Variants in GNG11 observed in about 807,000 individuals in gnomAD.
The protein encoded by GNG11 is G protein subunit gamma 11, also known as guanine nucleotide-binding protein G(I)/G(S)/G(O) subunit gamma-11.
Under a neutral mutation model 7.4 loss-of-function variants are expected in GNG11, and 6 were observed. The observed-to-expected ratio is 0.81, with a 90% CI of 0.44 to 1.60. The LOEUF (loss-of-function observed/expected upper bound fraction) is 1.60, where lower values mean the gene tolerates loss of function less well. GNG11 is among the 40% of genes most tolerant of loss of function. The pLI is 0.01. For synonymous variants in GNG11, 31 were observed against 25.9 expected (o/e 1.20, Z -0.60); for missense variants, 65 against 83.0 (o/e 0.78, Z 0.84).
chr7:93,922,610 G>T (rs1794631367), intron 1 of GNG11, among the ~76,000 whole-genome samples: 2 of 152,126 alleles, frequency 1.3e-5, no homozygotes, highest in Admixed American at 1.3e-4. Context: ...ATATTTGAAA[G>T]AAATTTTCTA....
In GNG11 at chr7:93,922,030, G is replaced by A. The variant is rs117922771; in HGVS notation, c.-108G>A. On this transcript the variant is annotated 5_prime_UTR_variant, in exon 1 of 2. Coordinates refer to ENST00000248564, the MANE Select transcript of GNG11 (RefSeq NM_004126.4). ...GCAGGGCTGCAGTCACATCCTGCGC[G>A]GGTGGGCGGCGGGCCAGGCCTTCAG... is the stretch of plus-strand genomic sequence containing the variant. 7.4e-3 allele frequency: 4,505 copies of A among 606,924 alleles called. 24 individuals are homozygous for A. The highest frequency in any genetic ancestry group is 0.011 in the Non-Finnish European group (3,832 of 349,020). The allele number at this position is 606,924 out of a possible 1,614,324, so 37.6% of individuals were successfully genotyped here.
rs1477350740 is a variant in GNG11 at position 93,928,163 on chromosome 7, G to A, written c.*1947G>A. Reference sequence around the variant, plus strand: ...TATTCCCTAACTTGTTGGGAGTTGCGATTACAAGTCTATATCCTGATTTCT... The same window carrying A: ...TATTCCCTAACTTGTTGGGAGTTGCAATTACAAGTCTATATCCTGATTTCT... On this transcript the variant is annotated 3_prime_UTR_variant, in exon 2 of 2. Transcript: ENST00000248564. The A allele has an allele frequency of 2.0e-5, 3 of 150,322 alleles. No individual in the cohort carries two copies. The highest frequency in any genetic ancestry group is 1.9e-4 in the East Asian group (1 of 5,198). 9.3% of individuals were successfully genotyped at this position (150,322 alleles called of 1,614,324 possible).
At chr7:93,924,848 A>T (rs1768994823) in intron 1 of GNG11, among the ~76,000 whole-genome samples, 1 of 152,230 alleles carries the variant, frequency 6.6e-6, no homozygotes, top group Non-Finnish European at 1.5e-5. Flanking sequence ...ACATTTGCCC[A>T]GTTTTCATAG....
Position 93,927,192 on chromosome 7 carries a change from T to A in GNG11, c.*976T>A, listed in dbSNP as rs1269767784. 2 of 152,238 alleles carry A rather than the reference T, an allele frequency of 1.3e-5. No homozygotes were observed. Among genetic ancestry groups the A allele is most frequent in the Non-Finnish European group, 2.9e-5 (2 of 68,038 alleles). 9.4% of individuals were successfully genotyped at this position (152,238 alleles called of 1,614,324 possible). On this transcript the variant is annotated 3_prime_UTR_variant, in exon 2 of 2. Coordinates refer to ENST00000248564, the MANE Select transcript of GNG11 (RefSeq NM_004126.4). ...TTTCTTACTGATTTGTAGGAATTCT[T>A]CATATATTCTGGCCATTTATTCGTG...
intron 1 of GNG11, among the ~76,000 whole-genome samples, chr7:93,923,849 A>T (rs1794645115): frequency 6.6e-6 from 1 of 152,204 alleles, no homozygotes; most frequent in African/African-American, 2.4e-5. Context: ...CCTCAAGTGT[A>T]TGCCAGAGGG....
In GNG11 at chr7:93,926,624, G is replaced by A. The variant is rs17165913; in HGVS notation, c.*408G>A. On this transcript the variant is annotated 3_prime_UTR_variant, in exon 2 of 2. Coordinates refer to ENST00000248564, the MANE Select transcript of GNG11 (RefSeq NM_004126.4). ...TTGGGTTTGGAATATGATTCAGAAG[G>A]TTAGGTGGTTCGACAGATCACATCT... is the stretch of plus-strand genomic sequence containing the variant. The A allele has an allele frequency of 0.05, 7,610 of 153,470 alleles. 396 individuals carry two copies. The highest frequency in any genetic ancestry group is 0.13 in the African/African-American group (5,558 of 41,522). The allele number at this position is 153,470 out of a possible 1,614,324, so 9.5% of individuals were successfully genotyped here.
chr7:93,926,572 C>A lies in GNG11; in HGVS notation c.*356C>A, dbSNP rs1794682626. ...CATGCATTAACTTTTATATTTCTCC[C>A]CGTAATCTTTTGGGTGTGGAGTATG... On this transcript the variant is annotated 3_prime_UTR_variant, in exon 2 of 2. Transcript: ENST00000248564. 1.3e-5 allele frequency: 2 copies of A among 156,450 alleles called. No individual in the cohort carries two copies. Among genetic ancestry groups the A allele is most frequent in the African/African-American group, 2.4e-5 (1 of 41,516 alleles). 9.7% of individuals were successfully genotyped at this position (156,450 alleles called of 1,614,324 possible).
rs770881761 is a variant in GNG11 at position 93,922,226 on chromosome 7, G to C, written c.89G>C (p.Arg30Thr). 2 of 1,571,902 alleles carry C rather than the reference G, an allele frequency of 1.3e-6. No homozygotes were observed. Among genetic ancestry groups the C allele is most frequent in the Non-Finnish European group, 1.7e-6 (2 of 1,148,998 alleles). Residue 30 changes from arginine (R) to threonine (T), a missense_variant, in exon 1 of 2, where the codon AGA becomes ACA. Arg to Thr is a moderately conservative substitution (Grantham distance 71). Coordinates refer to ENST00000248564, the MANE Select transcript of GNG11 (RefSeq NM_004126.4). ...CTTCGCAAAGAAGTGAAGTTGCAGA[G>C]ACAACAAGTAAGTTGGCTGTTCCGG... is the stretch of plus-strand genomic sequence containing the variant. ...EQLRKEVKLQ[R>T]QQVSKCSEEI...
At chr7:93,923,954 A>C (rs994906605) in intron 1 of GNG11, among the ~76,000 whole-genome samples, 2 of 152,178 alleles carry the variant, frequency 1.3e-5, no homozygotes, top group African/African-American at 4.8e-5. Flanking sequence ...TACACTTGGA[A>C]TTATACATTA....
rs559902873 is a variant in GNG11, at chr7:93,922,331, T to C, written c.96+98T>C. Reference sequence around the variant, plus strand: ...TAAAGCAAATAGTTTAGCTTATTTTTCCCCCTTTTTGTAGCTTCTCTTCTC... The same window carrying C: ...TAAAGCAAATAGTTTAGCTTATTTTCCCCCCTTTTTGTAGCTTCTCTTCTC... On this transcript the variant is annotated intron_variant, in intron 1 of 1. Transcript: ENST00000248564. 5.4e-5 allele frequency: 36 copies of C among 665,248 alleles called. No individual in the cohort carries two copies. In the South Asian group the frequency reaches 6.6e-4, roughly 12 times the overall value. The allele number at this position is 665,248 out of a possible 1,614,324, so 41.2% of individuals were successfully genotyped here. A position where few individuals can be genotyped will look rare whatever the true frequency, so the allele number is the denominator to read the frequency against.
chr7:93,922,587 A>G (rs1271542820), intron 1 of GNG11, among the ~76,000 whole-genome samples: 1 of 152,238 alleles, frequency 6.6e-6, no homozygotes, highest in East Asian at 1.9e-4. Context: ...CTTTTACACT[A>G]CTAGAAAGGA....
intron 1 of GNG11, among the ~76,000 whole-genome samples, chr7:93,924,366 A>G (rs999860708): frequency 6.6e-6 from 1 of 152,250 alleles, no homozygotes; most frequent in South Asian, 2.1e-4. Context: ...GGGAGCATGT[A>G]TCTTGCTGAG....
intron 1 of GNG11, 27 bp downstream of exon 1, chr7:93,922,260 C>T (rs201054655): frequency 7.3e-7 from 1 of 1,363,228 alleles, no homozygotes; most frequent in Non-Finnish European, 1.0e-6. Context: ...GGAATATTTC[C>T]TTCTCTGAAA....
Position 93,922,128 on chromosome 7 carries a change from T to C in GNG11, c.-10T>C. 1.9e-6 allele frequency: 3 copies of C among 1,576,642 alleles called. No homozygotes were observed. The highest frequency in any genetic ancestry group is 1.1e-5 in the South Asian group (1 of 87,426). On this transcript the variant is annotated 5_prime_UTR_variant, in exon 1 of 2. Transcript: ENST00000248564. ...GCCAGAGCTAGCCCGAGCCCGGTTC[T>C]GGGGCGAAAATGCCTGCCCTTCACA...
At chr7:93,925,029 TGG>T (rs1794658396) in intron 1 of GNG11, among the ~76,000 whole-genome samples, 2 of 151,950 alleles carry the variant, frequency 1.3e-5, no homozygotes, top group Non-Finnish European at 2.9e-5. Context: ...CCAGGCGTGG[TGG>T]TGGGCGCCTG....
Position 93,927,990 on chromosome 7 carries a change from C to T in GNG11, c.*1774C>T, listed in dbSNP as rs951422468. ...GCATGGGATTTTAGAGCTTTGGTGCCTGTAAAGTTTTACTTCTATTAGCTG... is the reference window on the plus strand; with the variant it reads ...GCATGGGATTTTAGAGCTTTGGTGCTTGTAAAGTTTTACTTCTATTAGCTG... On this transcript the variant is annotated 3_prime_UTR_variant, in exon 2 of 2. Coordinates refer to ENST00000248564, the MANE Select transcript of GNG11 (RefSeq NM_004126.4). 6.6e-6 allele frequency: 1 copy of T among 152,132 alleles called. No individual in the cohort carries two copies. Among genetic ancestry groups the T allele is most frequent in the African/African-American group, 2.4e-5 (1 of 41,406 alleles). 9.4% of individuals were successfully genotyped at this position (152,132 alleles called of 1,614,324 possible).
intron 1 of GNG11, among the ~76,000 whole-genome samples, chr7:93,925,876 G>T (rs1186751110): frequency 6.6e-6 from 1 of 151,606 alleles, no homozygotes; most frequent in Non-Finnish European, 1.5e-5. Flanking sequence ...TGCATCATAG[G>T]TATAGTAATA....
In GNG11 at chr7:93,922,066, A is replaced by C; in HGVS notation, c.-72A>C. The C allele has an allele frequency of 1.1e-6, 1 of 937,882 alleles. No homozygotes were observed. The highest frequency in any genetic ancestry group is 1.6e-6 in the Non-Finnish European group (1 of 628,682). 58.1% of individuals were successfully genotyped at this position (937,882 alleles called of 1,614,324 possible). Reference sequence around the variant, plus strand: ...GGGCCAGGCCTTCAGTTGTTTCGGGACGCGCCGAGCTTCGCCGCTCTTCCA... The same window carrying C: ...GGGCCAGGCCTTCAGTTGTTTCGGGCCGCGCCGAGCTTCGCCGCTCTTCCA... On this transcript the variant is annotated 5_prime_UTR_variant, in exon 1 of 2. Transcript: ENST00000248564.
At chr7:93,922,428 G>A (rs1224072394) in intron 1 of GNG11, among the ~76,000 whole-genome samples, 195 bp downstream of exon 1, 1 of 152,124 alleles carries the variant, frequency 6.6e-6, no homozygotes, top group Non-Finnish European at 1.5e-5. Flanking sequence ...GAGGGAGCAA[G>A]GATCTGATAA....
Sources: allele counts gnomAD v4.1 joint callset (sites outside exome capture counted in the v4.1 genomes callset), GRCh38; gene constraint gnomAD v4.1.1; transcripts MANE v1.5; gene names NCBI Gene and HGNC (gene_info 2026-07-23, HGNC 2026-07-21).